The following ABHD2 variants were observed in gnomAD, a reference collection of about 807,000 sequenced individuals.
ABHD2 encodes abhydrolase domain containing 2, acylglycerol lipase.
In ABHD2, 20 loss-of-function variants were observed where a neutral mutation model predicts 48.1. The observed-to-expected ratio is 0.42, with a 90% CI of 0.29 to 0.60. The LOEUF (loss-of-function observed/expected upper bound fraction) is 0.60, where lower values mean the gene tolerates loss of function less well. Ranked by LOEUF, ABHD2 falls within the 20% of genes least tolerant of loss-of-function variation. ABHD2 has a pLI of 0.24. For missense variants in ABHD2, 405 were observed against 550.9 expected, an observed-to-expected ratio of 0.74 and a Z score of 2.65; for synonymous variants, 209 against 214.2, an observed-to-expected ratio of 0.98 and a Z score of 0.21.
chr15:89,110,324 G>T (rs1435808445), intron 1 of ABHD2, among the ~76,000 whole-genome samples: 1 of 152,098 alleles, frequency 6.6e-6, no homozygotes, highest in Non-Finnish European at 1.5e-5. Flanking sequence ...GGCCTGCAAA[G>T]TGCTAGGATT....
chr15:89,057,531 A>G, the ABHD2 span, among the ~76,000 whole-genome samples: 1 of 152,126 alleles, frequency 6.6e-6, no homozygotes, highest in South Asian at 2.1e-4. Flanking sequence ...CAATGGTGAA[A>G]ATGCTATTTT....
At chr15:89,130,787 A>G (rs1195676101) in intron 3 of ABHD2, among the ~76,000 whole-genome samples, 1 of 152,172 alleles carries the variant, frequency 6.6e-6, no homozygotes, top group African/African-American at 2.4e-5. Flanking sequence ...ATCAGCTGTC[A>G]TTAGTGTTAG....
In ABHD2 at chr15:89,155,301, G is replaced by A. The variant is rs1212710702; in HGVS notation, c.371-66G>A. 27 of 1,527,142 alleles carry A rather than the reference G, an allele frequency of 1.8e-5. No individual in the cohort carries two copies. In the Admixed American group the frequency reaches 4.7e-4, roughly 26 times the overall value. The allele number at this position is 1,527,142 out of a possible 1,614,324, so 94.6% of individuals were successfully genotyped here. The stretch of plus-strand genomic sequence containing the variant: ...CCCTTGTTTTCTAGACCAGTGAAGT[G>A]TAATTATGTCCATTTATCATGTCAC... On this transcript the variant is annotated intron_variant, in intron 4 of 10. Transcript: ENST00000352732. This position sits in a 1 kb window ranked among gnomAD's most constrained non-coding sequence, Gnocchi z 4.9.
At chr15:89,051,485 A>G in the ABHD2 span, among the ~76,000 whole-genome samples, 3 of 152,186 alleles carry the variant, frequency 2.0e-5, no homozygotes, top group Non-Finnish European at 4.4e-5. Flanking sequence ...GGAGGGACAG[A>G]GAACACCTGG....
At chr15:89,121,209 C>G (rs528703225) in intron 3 of ABHD2, among the ~76,000 whole-genome samples, 8 of 152,328 alleles carry the variant, frequency 5.3e-5, no homozygotes, top group East Asian at 3.9e-4. Flanking sequence ...GATAGCCCCT[C>G]TGGTCCTTGG....
the ABHD2 span, among the ~76,000 whole-genome samples, chr15:89,081,566 A>G: frequency 6.6e-6 from 1 of 152,200 alleles, no homozygotes; most frequent in East Asian, 1.9e-4. Flanking sequence ...AAAATGTCAT[A>G]TTTAAAAATG....
At chr15:89,156,601 G>A (rs1222152923) in intron 5 of ABHD2, among the ~76,000 whole-genome samples, 1 of 151,840 alleles carries the variant, frequency 6.6e-6, no homozygotes, top group Non-Finnish European at 1.5e-5. Context: ...ACAAAAATTA[G>A]CTGGCACACG....
At chr15:89,042,123 A>AC in the ABHD2 span, among the ~76,000 whole-genome samples, 19 of 152,198 alleles carry the variant, frequency 1.2e-4, no homozygotes, top group Non-Finnish European at 2.8e-4. Flanking sequence ...ACTTTTGGAC[A>AC]CCAGTACATT....
intron 3 of ABHD2, among the ~76,000 whole-genome samples, chr15:89,130,043 T>G (rs1045272387): frequency 2.0e-5 from 3 of 152,154 alleles, no homozygotes; most frequent in Non-Finnish European, 4.4e-5. Context: ...ATACATGTAA[T>G]AAGCACCTCA....
rs1329156970 is a variant in ABHD2 at position 89,088,812 on chromosome 15, C to A, written c.-107+249C>A. Among the ~76,000 whole-genome samples the A allele has an allele frequency of 6.6e-6, 1 of 152,230 alleles. No individual in the cohort carries two copies. The highest frequency in any genetic ancestry group is 2.4e-5 in the African/African-American group (1 of 41,470). ...CCTTTGTCCCCTTCTGCCCGAGGAA[C>A]CGAGGTTGGGGACAACCCCGACCGC... is the stretch of plus-strand genomic sequence containing the variant. On this transcript the variant is annotated intron_variant, in intron 1 of 10. Coordinates refer to ENST00000352732, the MANE Select transcript of ABHD2 (RefSeq NM_152924.5). This position sits in a 1 kb window ranked among gnomAD's most constrained non-coding sequence, Gnocchi z 6.8.
Position 89,176,133 on chromosome 15 carries a change from C to A in ABHD2, c.722+138C>A. 2.1e-6 allele frequency: 2 copies of A among 938,586 alleles called. No homozygotes were observed. The highest frequency in any genetic ancestry group is 3.1e-6 in the Non-Finnish European group (2 of 648,222). 58.1% of individuals were successfully genotyped at this position (938,586 alleles called of 1,614,324 possible). ...TAGAAGTTTCTGAGTCTTGGACTCA[C>A]CTTGTTTTGTCTGCATATCATACAT... On this transcript the variant is annotated intron_variant, in intron 6 of 10. Coordinates refer to ENST00000352732, the MANE Select transcript of ABHD2 (RefSeq NM_152924.5). This position sits in a 1 kb window ranked among gnomAD's most constrained non-coding sequence, Gnocchi z 4.5.
chr15:89,152,519 G>A (rs2050610458), intron 4 of ABHD2, among the ~76,000 whole-genome samples: 1 of 152,214 alleles, frequency 6.6e-6, no homozygotes, highest in South Asian at 2.1e-4. Flanking sequence ...AGTGCTTCGT[G>A]TATACTGTTA....
At position 89,191,154 on chromosome 15, in the gene ABHD2, G is replaced by C; in HGVS notation, c.996+5G>C. Reference sequence around the variant, plus strand: ...TGCATGCGGTACCTGCACAGGGTGAGTGGCCATCACGGGCTCAGAATCAGC... The same window carrying C: ...TGCATGCGGTACCTGCACAGGGTGACTGGCCATCACGGGCTCAGAATCAGC... On this transcript the variant is annotated splice_donor_5th_base_variant and intron_variant, in intron 9 of 10. Transcript: ENST00000352732. 6.2e-7 allele frequency: 1 copy of C among 1,613,872 alleles called. No individual in the cohort carries two copies. The highest frequency in any genetic ancestry group is 8.5e-7 in the Non-Finnish European group (1 of 1,179,914).
the ABHD2 span, among the ~76,000 whole-genome samples, chr15:89,052,550 GACAGACAGAC>G: frequency 9.3e-6 from 1 of 107,346 alleles, no homozygotes; most frequent in Non-Finnish European, 2.2e-5. Flanking sequence ...CAGACAGACA[GACAGACAGAC>G]ACACACACAC....
Position 89,176,241 on chromosome 15 carries a change from C to G in ABHD2, c.722+246C>G, listed in dbSNP as rs191653175. ...GATCTGTAATTGGAGAAGTAAAACCCCCTTTGATAGTTGCTGTCTCCTAGG... is the reference window on the plus strand; with the variant it reads ...GATCTGTAATTGGAGAAGTAAAACCGCCTTTGATAGTTGCTGTCTCCTAGG... On this transcript the variant is annotated intron_variant, in intron 6 of 10. Coordinates refer to ENST00000352732, the MANE Select transcript of ABHD2 (RefSeq NM_152924.5). This position sits in a 1 kb window ranked among gnomAD's most constrained non-coding sequence, Gnocchi z 4.5. Among the ~76,000 whole-genome samples the G allele has an allele frequency of 1.4e-3, 219 of 152,156 alleles. 2 individuals are homozygous for G. The highest frequency in any genetic ancestry group is 4.8e-3 in the African/African-American group (199 of 41,488).
chr15:89,127,455 T>C (rs1173572462), intron 3 of ABHD2, among the ~76,000 whole-genome samples: 1 of 151,916 alleles, frequency 6.6e-6, no homozygotes, highest in Non-Finnish European at 1.5e-5. Context: ...CACTGAGTAC[T>C]AATGCCATTG....
chr15:89,126,857 G>A (rs1027965476), intron 3 of ABHD2, among the ~76,000 whole-genome samples: 3 of 152,184 alleles, frequency 2.0e-5, no homozygotes, highest in Non-Finnish European at 2.9e-5. Flanking sequence ...AATGGAGTCT[G>A]TTTGGGATCC....
chr15:89,181,248 A>AAAAAAAAAAAAG (rs1349391658), intron 6 of ABHD2, among the ~76,000 whole-genome samples: 1 of 151,498 alleles, frequency 6.6e-6, no homozygotes, highest in Non-Finnish European at 1.5e-5. Context: ...AAAAAAAAAA[A>AAAAAAAAAAAAG]AACAAGATGG....
chr15:89,160,750 T>C (rs1404395933), intron 5 of ABHD2, among the ~76,000 whole-genome samples: 1 of 152,100 alleles, frequency 6.6e-6, no homozygotes, highest in Admixed American at 6.6e-5. Context: ...TTGCAGAGGG[T>C]AGGAAGAGTG....
Sources: allele counts gnomAD v4.1 joint callset (sites outside exome capture counted in the v4.1 genomes callset), GRCh38; gene constraint gnomAD v4.1.1; non-coding constraint Gnocchi (gnomAD v3.1); transcripts MANE v1.5; gene names NCBI Gene and HGNC (gene_info 2026-07-23, HGNC 2026-07-21).